The following KIAA0825 variants were observed in gnomAD, a reference collection of about 807,000 sequenced individuals.
The protein encoded by KIAA0825 is KIAA0825, also known as uncharacterized protein KIAA0825.
A neutral mutation model predicts 147.6 loss-of-function variants in KIAA0825; 119 were observed. The ratio of observed to expected loss-of-function variants is 0.81; its 90% confidence interval spans 0.69 to 0.94. The LOEUF (loss-of-function observed/expected upper bound fraction) is 0.94, where lower values mean the gene tolerates loss of function less well. Ranked by LOEUF, KIAA0825 falls within the 40% of genes least tolerant of loss-of-function variation. KIAA0825 has a pLI of 0.00. For synonymous variants in KIAA0825, 470 were observed against 518.1 expected, an observed-to-expected ratio of 0.91 and a Z score of 1.26; for missense variants, 1,381 against 1,472.7, an observed-to-expected ratio of 0.94 and a Z score of 1.02.
intron 20 of KIAA0825, among the ~76,000 whole-genome samples, chr5:94,195,537 A>G (rs984839815): frequency 6.6e-6 from 1 of 152,170 alleles, no homozygotes; most frequent in African/African-American, 2.4e-5. Flanking sequence ...ATAGAAAAAA[A>G]GGAGATTCCT....
At chr5:94,403,834 C>T (rs1342599777) in intron 15 of KIAA0825, 41 bp from the exon 16 acceptor site, 1 of 1,496,388 alleles carries the variant, frequency 6.7e-7, no homozygotes, top group Non-Finnish European at 9.1e-7. Context: ...CAGAACCTAG[C>T]AAATCAGTTG....
At chr5:94,217,562 A>G (rs962180638) in intron 20 of KIAA0825, among the ~76,000 whole-genome samples, 2 of 152,226 alleles carry the variant, frequency 1.3e-5, no homozygotes, top group African/African-American at 4.8e-5. Flanking sequence ...TACTGTAGGT[A>G]GCCCTATATT....
Position 94,520,607 on chromosome 5 carries a change from G to A in KIAA0825, c.611C>T (p.Pro204Leu). 6.2e-7 allele frequency: 1 copy of A among 1,613,218 alleles called. No homozygotes were observed. Among genetic ancestry groups the A allele is most frequent in the African/African-American group, 1.3e-5 (1 of 74,966 alleles). ...GTATTTGATTATAACTTCTGATTCTGGATAAAGAAACAAGAGTTGTTGTAA... is the reference window on the plus strand; with the variant it reads ...GTATTTGATTATAACTTCTGATTCTAGATAAAGAAACAAGAGTTGTTGTAA... ...QCLQQLLFLY[P>L]ESEVIIKYQN... The change falls in exon 5 of 21, where the codon CCA becomes CTA. Residue 204 changes from proline to leucine, a missense_variant. Coordinates refer to ENST00000682413, the MANE Select transcript of KIAA0825 (RefSeq NM_001145678.3).
In KIAA0825 at chr5:94,396,279, G is replaced by A. The variant is rs1750641076; in HGVS notation, c.3118C>T (p.Leu1040Phe). 1 of 1,551,296 alleles carries A rather than the reference G, an allele frequency of 6.4e-7. No individual in the cohort carries two copies. The highest frequency in any genetic ancestry group is 1.4e-5 in the African/African-American group (1 of 73,146). The change falls in exon 17 of 21, where the codon CTT (leucine) becomes TTT (phenylalanine). Residue 1040 changes from leucine (L) to phenylalanine (F), a missense_variant. Coordinates refer to ENST00000682413, the MANE Select transcript of KIAA0825 (RefSeq NM_001145678.3). ...NTVELLTGASLDRWSKEKLGL... is the reference protein window; with the variant it reads ...NTVELLTGASFDRWSKEKLGL... Reference sequence around the variant, plus strand: ...AATTTTTCTTTACTCCATCTGTCAAGAGAGGCACCTGTTAAAAGTTCCACA... The same window carrying A: ...AATTTTTCTTTACTCCATCTGTCAAAAGAGGCACCTGTTAAAAGTTCCACA...
intron 14 of KIAA0825, among the ~76,000 whole-genome samples, chr5:94,432,888 T>C (rs1755870848): frequency 6.6e-6 from 1 of 151,694 alleles, no homozygotes; most frequent in Admixed American, 6.6e-5. Flanking sequence ...AGAAAAACAA[T>C]AACAGGAAAA....
At chr5:94,252,655 A>G (rs1016476676) in intron 20 of KIAA0825, among the ~76,000 whole-genome samples, 1 of 152,058 alleles carries the variant, frequency 6.6e-6, no homozygotes, top group Admixed American at 6.6e-5. Context: ...CTAGGACAAA[A>G]GACTCAACAT....
At chr5:94,494,923 A>C (rs1764180431) in intron 5 of KIAA0825, among the ~76,000 whole-genome samples, 1 of 152,228 alleles carries the variant, frequency 6.6e-6, no homozygotes, top group African/African-American at 2.4e-5. Flanking sequence ...TTTAGCACTC[A>C]AATAAAATTA....
intron 20 of KIAA0825, among the ~76,000 whole-genome samples, chr5:94,380,173 G>T (rs1182597972): frequency 6.6e-6 from 1 of 152,016 alleles, no homozygotes; most frequent in African/African-American, 2.4e-5. Context: ...TCTTTTTGTG[G>T]CTATTACAAC....
chr5:94,346,844 G>A (rs1037131215), intron 20 of KIAA0825, among the ~76,000 whole-genome samples: 10 of 152,124 alleles, frequency 6.6e-5, no homozygotes, highest in Non-Finnish European at 1.3e-4. Context: ...CAAATCCAGC[G>A]TGCGTACTCC....
chr5:94,422,567 T>C (rs1247825262), intron 14 of KIAA0825, among the ~76,000 whole-genome samples: 1 of 152,194 alleles, frequency 6.6e-6, no homozygotes, highest in Admixed American at 6.6e-5. Context: ...CCATGAACCT[T>C]GCAATGGGTG....
chr5:94,603,793 A>G (rs555625463), intron 1 of KIAA0825, among the ~76,000 whole-genome samples: 1 of 152,348 alleles, frequency 6.6e-6, no homozygotes, highest in Admixed American at 6.5e-5. Flanking sequence ...CTGACAAAAG[A>G]GACTTCAAAC....
intron 20 of KIAA0825, among the ~76,000 whole-genome samples, chr5:94,293,626 T>G (rs1778001780): frequency 6.6e-6 from 1 of 152,168 alleles, no homozygotes; most frequent in South Asian, 2.1e-4. Context: ...GTCTATTAGG[T>G]CTGCTTGGTC....
chr5:94,275,772 A>G (rs75972557), intron 20 of KIAA0825, among the ~76,000 whole-genome samples: 11 of 152,216 alleles, frequency 7.2e-5, no homozygotes, highest in Admixed American at 6.6e-5. Context: ...GAGGCTCATC[A>G]GTAGCATCAT....
At position 94,520,493 on chromosome 5, in the gene KIAA0825, T is replaced by C; in HGVS notation, c.725A>G (p.His242Arg). Residue 242 changes from histidine (H) to arginine (R), a missense_variant, in exon 5 of 21, where the codon CAT becomes CGT. Coordinates refer to ENST00000682413, the MANE Select transcript of KIAA0825 (RefSeq NM_001145678.3). The part of the protein sequence containing the change: ...NRDSNLDVIA[H>R]GYQSTMLKLY... ...CTTAAGCATTGTACTTTGATATCCA[T>C]GAGCTATTACATCTAAATTTGAATC... The C allele has an allele frequency of 1.2e-6, 2 of 1,613,110 alleles. No homozygotes were observed. The highest frequency in any genetic ancestry group is 8.5e-7 in the Non-Finnish European group (1 of 1,179,244).
intron 7 of KIAA0825, among the ~76,000 whole-genome samples, chr5:94,475,945 C>T (rs1392484653): frequency 6.6e-6 from 1 of 152,182 alleles, no homozygotes; most frequent in Non-Finnish European, 1.5e-5. Flanking sequence ...CATACATATT[C>T]CATTTAGACT....
chr5:94,265,009 C>G (rs1201324693), intron 20 of KIAA0825, among the ~76,000 whole-genome samples: 5 of 152,038 alleles, frequency 3.3e-5, no homozygotes, highest in Non-Finnish European at 7.4e-5. Context: ...TCTTGAACTT[C>G]TAGCCTCAAG....
intron 16 of KIAA0825, among the ~76,000 whole-genome samples, chr5:94,401,835 CACTT>C (rs1050022495): frequency 3.3e-5 from 5 of 152,254 alleles, no homozygotes; most frequent in African/African-American, 1.2e-4. Context: ...AGTAGTCTCT[CACTT>C]AGTAAATTTC....
At chr5:94,187,810 C>A (rs760786640) in intron 20 of KIAA0825, among the ~76,000 whole-genome samples, 2 of 152,078 alleles carry the variant, frequency 1.3e-5, no homozygotes, top group African/African-American at 2.4e-5. Flanking sequence ...GATTAAACTT[C>A]AGAAATGATA....
chr5:94,161,823 T>G (rs1244393439), intron 20 of KIAA0825, among the ~76,000 whole-genome samples: 1 of 152,222 alleles, frequency 6.6e-6, no homozygotes, highest in Non-Finnish European at 1.5e-5. Flanking sequence ...AACAGTTTTC[T>G]CTTATAATAT....
Sources: allele counts gnomAD v4.1 joint callset (sites outside exome capture counted in the v4.1 genomes callset), GRCh38; gene constraint gnomAD v4.1.1; transcripts MANE v1.5; gene names NCBI Gene and HGNC (gene_info 2026-07-23, HGNC 2026-07-21).